The following AGBL1 variants were observed in gnomAD, a reference collection of about 807,000 sequenced individuals.
AGBL1 encodes cytosolic carboxypeptidase 4.
AGBL1 carries 130 observed loss-of-function variants against 118.9 expected under a neutral mutation model. The ratio of observed to expected loss-of-function variants is 1.09; its 90% CI spans 0.95 to 1.26. The LOEUF (loss-of-function observed/expected upper bound fraction) is 1.26, where lower values mean the gene tolerates loss of function less well. Among genes scored for constraint, AGBL1 ranks in the 50% most tolerant of loss-of-function variants. The pLI is 0.00. For synonymous variants in AGBL1, 555 were observed against 478.9 expected (o/e 1.16, Z -2.08); for missense variants, 1,584 against 1,298.1 (o/e 1.22, Z -3.38).
intron 17 of AGBL1, among the ~76,000 whole-genome samples, chr15:86,365,328 G>T (rs995653659): frequency 6.6e-6 from 1 of 152,090 alleles, no homozygotes; most frequent in Non-Finnish European, 1.5e-5. Context: ...CTACAGAGAA[G>T]TTCATCTGGA....
At chr15:86,729,264 C>A (rs572342326) in intron 22 of AGBL1, among the ~76,000 whole-genome samples, 1 of 152,114 alleles carries the variant, frequency 6.6e-6, no homozygotes, top group Non-Finnish European at 1.5e-5. Context: ...TTTCTGAAAT[C>A]TTCGCTTTTT....
intron 18 of AGBL1, among the ~76,000 whole-genome samples, chr15:86,472,280 A>C (rs2082489073): frequency 6.6e-6 from 1 of 152,212 alleles, no homozygotes; most frequent in Non-Finnish European, 1.5e-5. Flanking sequence ...AAAGTGACAA[A>C]GTTCATGGGC....
chr15:86,731,086 C>T (rs2077521217), intron 22 of AGBL1, among the ~76,000 whole-genome samples: 1 of 152,148 alleles, frequency 6.6e-6, no homozygotes, highest in Admixed American at 6.5e-5. Context: ...CCGTCTTGGC[C>T]TCCCAAAGTG....
At chr15:86,593,470 A>G (rs2084365852) in intron 21 of AGBL1, among the ~76,000 whole-genome samples, 1 of 152,082 alleles carries the variant, frequency 6.6e-6, no homozygotes, top group South Asian at 2.1e-4. Context: ...AGTATGTTCT[A>G]AGTTTTCTGT....
intron 22 of AGBL1, among the ~76,000 whole-genome samples, chr15:86,752,166 C>G (rs955645804): frequency 6.6e-6 from 1 of 151,988 alleles, no homozygotes; most frequent in Non-Finnish European, 1.5e-5. Flanking sequence ...GTTTGTGTGC[C>G]GTGATGCCAG....
At chr15:86,175,560 T>C (rs949973553) in intron 5 of AGBL1, among the ~76,000 whole-genome samples, 7 of 152,110 alleles carry the variant, frequency 4.6e-5, no homozygotes, top group African/African-American at 1.7e-4. Flanking sequence ...GGTTTGTTCT[T>C]GCTTTTCTAG....
intron 21 of AGBL1, among the ~76,000 whole-genome samples, chr15:86,667,198 ATATCTATGTATGTATC>A (rs779077966): frequency 3.4e-5 from 5 of 148,268 alleles, no homozygotes; most frequent in Non-Finnish European, 5.9e-5. Flanking sequence ...TAAAATTGAG[ATATCTATGTATGTATC>A]TATGTATGTA....
chr15:86,354,548 A>T (rs1202451617), intron 17 of AGBL1, among the ~76,000 whole-genome samples: 1 of 152,238 alleles, frequency 6.6e-6, no homozygotes, highest in Non-Finnish European at 1.5e-5. Context: ...AACATGTAAA[A>T]TATGAAAACA....
At chr15:86,234,766 A>G (rs776392185) in intron 6 of AGBL1, among the ~76,000 whole-genome samples, 19 of 152,190 alleles carry the variant, frequency 1.2e-4, no homozygotes, top group Non-Finnish European at 2.4e-4. Flanking sequence ...GTGATGTTTA[A>G]AAGAGTGGGA....
intron 21 of AGBL1, among the ~76,000 whole-genome samples, chr15:86,642,965 G>A (rs1026932734): frequency 5.3e-5 from 8 of 152,134 alleles, no homozygotes; most frequent in African/African-American, 7.2e-5. Flanking sequence ...TAGGTAGAGC[G>A]AGTTTGGGGT....
chr15:86,308,823 G>A (rs2079878592), intron 17 of AGBL1, among the ~76,000 whole-genome samples: 1 of 152,142 alleles, frequency 6.6e-6, no homozygotes, highest in Admixed American at 6.5e-5. Context: ...GGTTACTACA[G>A]CTTTGTAGTA....
At chr15:86,298,750 G>A (rs918797714) in intron 17 of AGBL1, among the ~76,000 whole-genome samples, 14 of 152,098 alleles carry the variant, frequency 9.2e-5, no homozygotes, top group African/African-American at 3.4e-4. Context: ...GGCATGAGTG[G>A]AAATAAAGGT....
chr15:86,175,393 G>T (rs1018989819), intron 5 of AGBL1, among the ~76,000 whole-genome samples: 5 of 151,122 alleles, frequency 3.3e-5, no homozygotes, highest in East Asian at 1.9e-4. Flanking sequence ...TATTTATTTG[G>T]GTCTTCTCTC....
In AGBL1 at chr15:86,271,305, G is replaced by A. The variant is rs574006467; in HGVS notation, c.1988-314G>A. Among the ~76,000 whole-genome samples, 14 of 151,792 alleles carry A rather than the reference G, an allele frequency of 9.2e-5. No individual in the cohort carries two copies. The South Asian group carries it at 2.7e-3, about 29-fold the overall frequency. ...TCTTGATCTCCTGACCTTGTGATCT[G>A]CTGGCCTCAGCCTCCCAAAGTGCTG... On this transcript the variant is annotated intron_variant, in intron 14 of 22. Coordinates refer to ENST00000614907, the MANE Select transcript of AGBL1 (RefSeq NM_001386094.1).
At chr15:86,853,246 G>T (rs1012062432) in intron 22 of AGBL1, among the ~76,000 whole-genome samples, 2 of 152,112 alleles carry the variant, frequency 1.3e-5, no homozygotes, top group Admixed American at 1.3e-4. Context: ...CCAATTAAAA[G>T]CACTGATTTA....
intron 19 of AGBL1, among the ~76,000 whole-genome samples, chr15:86,526,175 C>T (rs576565051): frequency 2.0e-5 from 3 of 152,034 alleles, no homozygotes; most frequent in East Asian, 1.9e-4. Context: ...TACCACTTTA[C>T]GCCAGTAAGA....
intron 18 of AGBL1, among the ~76,000 whole-genome samples, chr15:86,401,380 G>T (rs1452013539): frequency 6.6e-6 from 1 of 152,064 alleles, no homozygotes; most frequent in Non-Finnish European, 1.5e-5. Flanking sequence ...AGTTTGCAAA[G>T]ATTTTTCTCC....
Position 86,546,142 on chromosome 15 carries a change from C to A in AGBL1, c.2817+9C>A. The A allele has an allele frequency of 2.5e-6, 4 of 1,608,480 alleles. No homozygotes were observed. The highest frequency in any genetic ancestry group is 2.6e-6 in the Non-Finnish European group (3 of 1,176,074). The stretch of plus-strand genomic sequence containing the variant: ...AGGAGGTCAACTACAGGGTAAGCCG[C>A]TGTGGGGAATGACATCAGACATGCT... On this transcript the variant is annotated intron_variant, in intron 20 of 22. Transcript: ENST00000614907.
intron 1 of AGBL1, among the ~76,000 whole-genome samples, chr15:86,103,334 T>A (rs1896844697): frequency 6.6e-6 from 1 of 152,224 alleles, no homozygotes; most frequent in African/African-American, 2.4e-5. Flanking sequence ...ATTCTTTTTC[T>A]GGGATTTTGT....
Sources: allele counts gnomAD v4.1 joint callset (sites outside exome capture counted in the v4.1 genomes callset), GRCh38; gene constraint gnomAD v4.1.1; transcripts MANE v1.5; gene names NCBI Gene and HGNC (gene_info 2026-07-23, HGNC 2026-07-21).